KLF2: variants seen among roughly 807,000 people sequenced by gnomAD.
KLF2 encodes KLF transcription factor 2, also known as Krueppel-like factor 2.
KLF2 carries 9 observed loss-of-function variants against 22.2 expected under a neutral mutation model. The observed-to-expected ratio is 0.40, with a 90% CI of 0.24 to 0.71. KLF2 has a LOEUF of 0.71. Ranked by LOEUF, KLF2 falls within the 30% of genes least tolerant of loss-of-function variation. The pLI is 0.35. For synonymous variants in KLF2, 299 were observed against 264.2 expected, an observed-to-expected ratio of 1.13 and a Z score of -1.28; for missense variants, 481 against 542.1, an observed-to-expected ratio of 0.89 and a Z score of 1.12.
Position 16,325,701 on chromosome 19 carries a change from C to G in KLF2, c.561C>G (p.Pro187=), listed in dbSNP as rs1394352485. The change falls in exon 2 of 3, where the codon CCC becomes CCG. Residue 187 remains proline, a synonymous_variant. Transcript: ENST00000248071. ...SPDGPARLPA[P]GPRASFPPPF... The stretch of plus-strand genomic sequence containing the variant: ...ACGGCCCCGCGCGCCTGCCCGCGCC[C>G]GGTCCGCGCGCCTCCTTCCCGCCGC... 6.0e-6 allele frequency: 7 copies of G among 1,158,124 alleles called. No individual in the cohort carries two copies. Among genetic ancestry groups the G allele is most frequent in the Non-Finnish European group, 6.4e-6 (6 of 944,638 alleles). The allele number at this position is 1,158,124 out of a possible 1,614,324, so 71.7% of individuals were successfully genotyped here. A position where few individuals can be genotyped will look rare whatever the true frequency, so the allele number is the denominator to read the frequency against.
chr19:16,324,832 C>T lies in KLF2; in HGVS notation c.-92C>T, dbSNP rs978032547. 40 of 1,099,144 alleles carry T rather than the reference C, an allele frequency of 3.6e-5. No homozygotes were observed. Among genetic ancestry groups the T allele is most frequent in the Non-Finnish European group, 4.5e-5 (35 of 779,202 alleles). 68.1% of individuals were successfully genotyped at this position (1,099,144 alleles called of 1,614,324 possible). A position where few individuals can be genotyped will look rare whatever the true frequency, so the allele number is the denominator to read the frequency against. Reference sequence around the variant, plus strand: ...GCGGGCCCGGCCGCGGCCCACAGAGCCGTCCCCGCCCGCCCGCGCCCCGAC... The same window carrying T: ...GCGGGCCCGGCCGCGGCCCACAGAGTCGTCCCCGCCCGCCCGCGCCCCGAC... On this transcript the variant is annotated 5_prime_UTR_variant, in exon 1 of 3. Coordinates refer to ENST00000248071, the MANE Select transcript of KLF2 (RefSeq NM_016270.4).
In KLF2 at chr19:16,325,242, C is replaced by A; in HGVS notation, c.102C>A (p.Ser34=). ...GCTGGCCGCGCGCCGAACCCGAGTC[C>A]GGCGGCACCGACGACGACCTCAACA... The part of the protein sequence containing the change: ...QERWPRAEPE[S]GGTDDDLNSV... The change falls in exon 2 of 3, where the codon TCC becomes TCA. Residue 34 remains serine (S), a synonymous_variant. Transcript: ENST00000248071. The A allele has an allele frequency of 6.5e-7, 1 of 1,537,808 alleles. No homozygotes were observed. The highest frequency in any genetic ancestry group is 1.2e-5 in the South Asian group (1 of 83,938).
intron 2 of KLF2, among the ~76,000 whole-genome samples, chr19:16,326,254 T>C (rs1463403405): frequency 3.1e-5 from 2 of 63,638 alleles, no homozygotes; most frequent in African/African-American, 6.4e-5. Context: ...TCCGAGAGGT[T>C]GGGGTGGGGG....
chr19:16,324,879 C>G lies in KLF2; in HGVS notation c.-45C>G, dbSNP rs1345705388. ...CGACCAGCCCGGCCTCGGGCAGCCACTCACCGGTGTCCCCGTCCGCGTCCT... is the reference window on the plus strand; with the variant it reads ...CGACCAGCCCGGCCTCGGGCAGCCAGTCACCGGTGTCCCCGTCCGCGTCCT... On this transcript the variant is annotated 5_prime_UTR_variant, in exon 1 of 3. Coordinates refer to ENST00000248071, the MANE Select transcript of KLF2 (RefSeq NM_016270.4). 1 of 1,531,990 alleles carries G rather than the reference C, an allele frequency of 6.5e-7. No homozygotes were observed. The highest frequency in any genetic ancestry group is 1.4e-5 in the African/African-American group (1 of 70,388). The allele number at this position is 1,531,990 out of a possible 1,614,324, so 94.9% of individuals were successfully genotyped here.
Position 16,327,202 on chromosome 19 carries a change from C to A in KLF2, c.*171C>A, listed in dbSNP as rs15336. The A allele has an allele frequency of 0.15, 90,454 of 602,548 alleles. 7,747 individuals carry two copies. The highest frequency in any genetic ancestry group is 0.17 in the Non-Finnish European group (61,762 of 355,726). 37.3% of individuals were successfully genotyped at this position (602,548 alleles called of 1,614,324 possible). A position where few individuals can be genotyped will look rare whatever the true frequency, so the allele number is the denominator to read the frequency against. On this transcript the variant is annotated 3_prime_UTR_variant, in exon 3 of 3. Coordinates refer to ENST00000248071, the MANE Select transcript of KLF2 (RefSeq NM_016270.4). ...ACGACGACGACGCCACCACCCCAGC[C>A]CCCGTCTGTGACTGAAGGCCCGGTG...
rs558253681 is a variant in KLF2, at chr19:16,326,734, G to C, written c.893-122G>C. On this transcript the variant is annotated intron_variant, in intron 2 of 2. Coordinates refer to ENST00000248071, the MANE Select transcript of KLF2 (RefSeq NM_016270.4). ...TGTAGGGCAAGGATCCCTCAGGGGC[G>C]CAACACTACCGCGGGGAGCGCGTCA... is the stretch of plus-strand genomic sequence containing the variant. The C allele has an allele frequency of 2.1e-5, 20 of 953,908 alleles. No homozygotes were observed. The Admixed American group carries it at 3.8e-4, about 18-fold the overall frequency. 59.1% of individuals were successfully genotyped at this position (953,908 alleles called of 1,614,324 possible).
Position 16,325,642 on chromosome 19 carries a change from C to A in KLF2, c.502C>A (p.Pro168Thr). 9.4e-7 allele frequency: 1 copy of A among 1,069,016 alleles called. No homozygotes were observed. The highest frequency in any genetic ancestry group is 1.1e-6 in the Non-Finnish European group (1 of 888,074). 66.2% of individuals were successfully genotyped at this position (1,069,016 alleles called of 1,614,324 possible). ...SCMRGPGGRPPPPPDTPPLSP... is the reference protein window; with the variant it reads ...SCMRGPGGRPTPPPDTPPLSP... ...CATGCGAGGTCCCGGGGGCCGCCCC[C>A]CGCCGCCGCCCGACACACCGCCGCT... The change falls in exon 2 of 3, where the codon CCG becomes ACG. Residue 168 changes from proline (P) to threonine (T), a missense_variant. Pro to Thr is a conservative substitution (Grantham distance 38). Coordinates refer to ENST00000248071, the MANE Select transcript of KLF2 (RefSeq NM_016270.4).
At position 16,325,779 on chromosome 19, in the gene KLF2, G is replaced by T. The variant is rs1305468613; in HGVS notation, c.639G>T (p.Pro213=). The change falls in exon 2 of 3, where the codon CCG becomes CCT. Residue 213 remains proline (P), a synonymous_variant. Transcript: ENST00000248071. ...GAPGPGLHYA[P]PAPPAFGLFD... is the part of the protein sequence containing the mutation. The stretch of plus-strand genomic sequence containing the variant: ...CCGGGCCCGGCCTGCATTACGCGCC[G>T]CCTGCGCCCCCAGCCTTCGGTCTCT... The T allele has an allele frequency of 7.7e-7, 1 of 1,294,482 alleles. No homozygotes were observed. Among genetic ancestry groups the T allele is most frequent in the Non-Finnish European group, 9.7e-7 (1 of 1,026,886 alleles). 80.2% of individuals were successfully genotyped at this position (1,294,482 alleles called of 1,614,324 possible).
rs2091894701 is a variant in KLF2 at position 16,327,822 on chromosome 19, G to A, written c.*791G>A. ...AGCTGGGGAAAGTGCTGGTCCCACT[G>A]ACGTGGCCTCCTCTACGTTGAAAAA... On this transcript the variant is annotated 3_prime_UTR_variant, in exon 3 of 3. Coordinates refer to ENST00000248071, the MANE Select transcript of KLF2 (RefSeq NM_016270.4). 6.6e-6 allele frequency: 1 copy of A among 151,878 alleles called. No individual in the cohort carries two copies. The highest frequency in any genetic ancestry group is 1.5e-5 in the Non-Finnish European group (1 of 68,004). The allele number at this position is 151,878 out of a possible 1,614,324, so 9.4% of individuals were successfully genotyped here.
chr19:16,325,884 C>T lies in KLF2; in HGVS notation c.744C>T (p.Ser248=). 6.8e-7 allele frequency: 1 copy of T among 1,475,786 alleles called. No homozygotes were observed. The highest frequency in any genetic ancestry group is 1.3e-5 in the South Asian group (1 of 77,378). 91.4% of individuals were successfully genotyped at this position (1,475,786 alleles called of 1,614,324 possible). ...AARGLLTPPA[S]PLELLEAKPK... is the part of the protein sequence containing the mutation. ...GCGGTCTCCTCACGCCGCCTGCGTC[C>T]CCGCTGGAGCTGCTGGAGGCCAAGC... Residue 248 remains serine, a synonymous_variant, in exon 2 of 3, where the codon TCC becomes TCT. Coordinates refer to ENST00000248071, the MANE Select transcript of KLF2 (RefSeq NM_016270.4).
Position 16,325,453 on chromosome 19 carries a change from G to C in KLF2, c.313G>C (p.Gly105Arg), listed in dbSNP as rs1449640629. 7.1e-7 allele frequency: 1 copy of C among 1,402,520 alleles called. No homozygotes were observed. Among genetic ancestry groups the C allele is most frequent in the Non-Finnish European group, 9.2e-7 (1 of 1,084,826 alleles). The allele number at this position is 1,402,520 out of a possible 1,614,324, so 86.9% of individuals were successfully genotyped here. ...LLRPELDAPL[G>R]PALHGRFLLA... Reference sequence around the variant, plus strand: ...GCGACCCGAGCTGGATGCGCCGCTGGGGCCCGCACTGCACGGCCGCTTTCT... The same window carrying C: ...GCGACCCGAGCTGGATGCGCCGCTGCGGCCCGCACTGCACGGCCGCTTTCT... Residue 105 changes from glycine (G) to arginine (R), a missense_variant, in exon 2 of 3, where the codon GGG becomes CGG. This residue lies in a region of KLF2 where 421 missense variants were observed against 435.1 expected (regional missense o/e 0.97). Transcript: ENST00000248071.
rs1453450960 is a variant in KLF2 at position 16,326,944 on chromosome 19, G to A, written c.981G>A (p.Thr327=). The stretch of plus-strand genomic sequence containing the variant: ...TCACGCGCCACTACCGAAAGCACAC[G>A]GGCCACCGGCCATTCCAGTGCCATC... ...DELTRHYRKH[T]GHRPFQCHLC... is the part of the protein sequence containing the mutation. Residue 327 remains threonine (T), a synonymous_variant, in exon 3 of 3, where the codon ACG becomes ACA. Coordinates refer to ENST00000248071, the MANE Select transcript of KLF2 (RefSeq NM_016270.4). The A allele has an allele frequency of 2.5e-6, 4 of 1,613,376 alleles. No homozygotes were observed. Among genetic ancestry groups the A allele is most frequent in the African/African-American group, 1.3e-5 (1 of 74,912 alleles).
Position 16,325,706 on chromosome 19 carries a change from C to T in KLF2, c.566C>T (p.Pro189Leu), listed in dbSNP as rs866635773. ...DGPARLPAPG[P>L]RASFPPPFGG... ...CCCGCGCGCCTGCCCGCGCCCGGTC[C>T]GCGCGCCTCCTTCCCGCCGCCTTTC... Residue 189 changes from proline (P) to leucine (L), a missense_variant, in exon 2 of 3, where the codon CCG becomes CTG. Physicochemically the swap from Pro to Leu is moderately conservative, Grantham distance 98 (BLOSUM62 -3). Around this residue, in one of 2 missense-constraint regions of KLF2, gnomAD observed 421 missense variants for 435.1 expected, o/e 0.97. Transcript: ENST00000248071. 1.7e-6 allele frequency: 2 copies of T among 1,170,918 alleles called. No homozygotes were observed. Among genetic ancestry groups the T allele is most frequent in the East Asian group, 4.1e-5 (1 of 24,646 alleles). The allele number at this position is 1,170,918 out of a possible 1,614,324, so 72.5% of individuals were successfully genotyped here.
intron 2 of KLF2, 94 bp from the exon 3 acceptor site, chr19:16,326,762 G>GCC: frequency 7.8e-7 from 1 of 1,275,184 alleles, no homozygotes; most frequent in Non-Finnish European, 1.1e-6. Context: ...GCGCGTCAAG[G>GCC]CCCTGGTTAG....
rs371288278 is a variant in KLF2, at chr19:16,326,843, C to T, written c.893-13C>T. On this transcript the variant is annotated splice_polypyrimidine_tract_variant and intron_variant, in intron 2 of 2. Transcript: ENST00000248071. ...GAGGGGAACTGACGCTTACTCTCGC[C>T]CCCTCCCTGCAGGTGAGAAGCCCTA... 1.6e-4 allele frequency: 263 copies of T among 1,603,620 alleles called. No individual in the cohort carries two copies. The highest frequency in any genetic ancestry group is 2.1e-4 in the Non-Finnish European group (243 of 1,175,512).
At position 16,324,867 on chromosome 19, in the gene KLF2, C is replaced by T; in HGVS notation, c.-57C>T. 1.4e-6 allele frequency: 2 copies of T among 1,468,666 alleles called. No homozygotes were observed. The highest frequency in any genetic ancestry group is 1.9e-6 in the Non-Finnish European group (2 of 1,076,600). 91.0% of individuals were successfully genotyped at this position (1,468,666 alleles called of 1,614,324 possible). A position where few individuals can be genotyped will look rare whatever the true frequency, so the allele number is the denominator to read the frequency against. On this transcript the variant is annotated 5_prime_UTR_variant, in exon 1 of 3. Coordinates refer to ENST00000248071, the MANE Select transcript of KLF2 (RefSeq NM_016270.4). ...CCGCCCGCGCCCCGACCAGCCCGGC[C>T]TCGGGCAGCCACTCACCGGTGTCCC...
chr19:16,325,328 A>T lies in KLF2; in HGVS notation c.188A>T (p.Glu63Val). The T allele has an allele frequency of 1.4e-6, 2 of 1,475,252 alleles. No individual in the cohort carries two copies. Among genetic ancestry groups the T allele is most frequent in the South Asian group, 2.6e-5 (2 of 77,440 alleles). The allele number at this position is 1,475,252 out of a possible 1,614,324, so 91.4% of individuals were successfully genotyped here. ...LDGLGAEAAP[E>V]PPPPPPPPAF... ...GGCCTGGGCGCCGAGGCCGCCCCGG[A>T]GCCGCCGCCGCCGCCCCCGCCGCCT... Residue 63 changes from glutamate (E) to valine (V), a missense_variant, in exon 2 of 3, where the codon GAG (glutamate) becomes GTG (valine). Physicochemically the swap from Glu to Val is moderately radical, Grantham distance 121. Transcript: ENST00000248071.
chr19:16,326,456 C>G (rs1038565219), intron 2 of KLF2, among the ~76,000 whole-genome samples: 1 of 152,010 alleles, frequency 6.6e-6, no homozygotes, highest in African/African-American at 2.4e-5. Flanking sequence ...CGTTTAGGAA[C>G]CCCGGGGAGA....
chr19:16,327,077 G>C lies in KLF2; in HGVS notation c.*46G>C. The C allele has an allele frequency of 6.8e-7, 1 of 1,478,412 alleles. No individual in the cohort carries two copies. The highest frequency in any genetic ancestry group is 9.0e-7 in the Non-Finnish European group (1 of 1,110,426). 91.6% of individuals were successfully genotyped at this position (1,478,412 alleles called of 1,614,324 possible). ...TGCGCGCGGCCGTGGCGGGTCCCAC[G>C]CGCCGGGCGCGGCCCCCTCCCAAAC... On this transcript the variant is annotated 3_prime_UTR_variant, in exon 3 of 3. Coordinates refer to ENST00000248071, the MANE Select transcript of KLF2 (RefSeq NM_016270.4).
Sources: gnomAD v4.1 joint callset for allele counts (sites outside exome capture counted in the v4.1 genomes callset) on GRCh38, gnomAD v4.1.1 for gene constraint, gnomAD v4.1.1 regional missense constraint, MANE v1.5 for transcripts, NCBI Gene and HGNC (gene_info 2026-07-23, HGNC 2026-07-21) for gene names.